Variants in BICC1 observed in about 807,000 individuals in gnomAD.
BICC1 encodes BicC family RNA binding protein 1, also known as protein bicaudal C homolog 1.
Under a neutral mutation model 111.0 loss-of-function variants are expected in BICC1, and 43 were observed. That is an observed-to-expected ratio of 0.39 (90% CI 0.30 to 0.50). The LOEUF is 0.50. BICC1 is among the 20% of genes least tolerant of loss of function. BICC1 has a pLI of 0.88. For missense variants in BICC1, 1,091 were observed against 1,203.2 expected (o/e 0.91, Z 1.38); for synonymous variants, 467 against 434.4 (o/e 1.07, Z -0.93).
chr10:58,680,569 G>T (rs1234108996), intron 2 of BICC1, among the ~76,000 whole-genome samples: 1 of 152,134 alleles, frequency 6.6e-6, no homozygotes, highest in African/African-American at 2.4e-5. Flanking sequence ...TGGATAGGAA[G>T]AATCAATATC....
chr10:58,800,270 C>T lies in BICC1; in HGVS notation c.1802C>T (p.Pro601Leu), dbSNP rs759875498. The change falls in exon 13 of 21, where the codon CCG becomes CTG. Residue 601 changes from proline to leucine, a missense_variant. By Grantham distance (98) the Pro-to-Leu change is moderately conservative (BLOSUM62 -3). This residue lies in a region of BICC1 where 843 missense variants were observed against 900.8 expected (regional missense o/e 0.94). Coordinates refer to ENST00000373886, the MANE Select transcript of BICC1 (RefSeq NM_001080512.3). ...GTGCTGAGTGCAAATCACGGGGATC[C>T]GTCCATCCAGACAAGTGGGTCTGAG... is the stretch of plus-strand genomic sequence containing the variant. ...EKVLSANHGD[P>L]SIQTSGSEQT... is the part of the protein sequence containing the mutation. 9.9e-6 allele frequency: 16 copies of T among 1,613,576 alleles called. No individual in the cohort carries two copies. The highest frequency in any genetic ancestry group is 1.1e-5 in the South Asian group (1 of 91,010).
At chr10:58,737,443 G>A (rs1403243291) in intron 3 of BICC1, among the ~76,000 whole-genome samples, 2 of 152,084 alleles carry the variant, frequency 1.3e-5, no homozygotes, top group African/African-American at 2.4e-5. Flanking sequence ...CTTCTTTATG[G>A]CTGCATAGTA....
intron 1 of BICC1, among the ~76,000 whole-genome samples, chr10:58,565,560 G>A (rs1000488990): frequency 2.0e-5 from 3 of 152,222 alleles, no homozygotes; most frequent in Non-Finnish European, 4.4e-5. Context: ...TTGCCCCCCC[G>A]ATGTATGCCC....
Position 58,785,025 on chromosome 10 carries a change from A to G in BICC1, c.332A>G (p.Lys111Arg), listed in dbSNP as rs1842971415. 6.3e-7 allele frequency: 1 copy of G among 1,599,310 alleles called. No homozygotes were observed. Among genetic ancestry groups the G allele is most frequent in the Non-Finnish European group, 8.5e-7 (1 of 1,171,330 alleles). Residue 111 changes from lysine to arginine, a missense_variant, in exon 4 of 21, where the codon AAG becomes AGG. Physicochemically the swap from Lys to Arg is conservative, Grantham distance 26 (BLOSUM62 2). Around this residue, in one of 3 missense-constraint regions of BICC1, gnomAD observed 843 missense variants for 900.8 expected, o/e 0.94. Transcript: ENST00000373886. The part of the protein sequence containing the change: ...KKDPHIKVSG[K>R]KEDVKEAKEM... ...GATCCCCATATTAAGGTTTCTGGAA[A>G]GAAAGAAGATGTTAAAGAAGCCAAG...
intron 3 of BICC1, among the ~76,000 whole-genome samples, chr10:58,727,639 C>T (rs966671872): frequency 1.3e-5 from 2 of 152,078 alleles, no homozygotes; most frequent in Non-Finnish European, 2.9e-5. Context: ...TTAAGAATTA[C>T]AAAAGGATTT....
chr10:58,529,930 A>G (rs1221938857), intron 1 of BICC1, among the ~76,000 whole-genome samples: 1 of 151,878 alleles, frequency 6.6e-6, no homozygotes, highest in East Asian at 1.9e-4. Context: ...AAAGTTTTGC[A>G]TAAATGATTA....
At chr10:58,522,384 A>C (rs1460245299) in intron 1 of BICC1, among the ~76,000 whole-genome samples, 2 of 152,126 alleles carry the variant, frequency 1.3e-5, no homozygotes. Flanking sequence ...TCAAACTAGA[A>C]CTCAGGATTA....
chr10:58,567,945 A>G (rs944993375), intron 1 of BICC1, among the ~76,000 whole-genome samples: 11 of 152,026 alleles, frequency 7.2e-5, no homozygotes, highest in Non-Finnish European at 1.5e-4. Context: ...GAAGACTGGG[A>G]GGTTTATGTG....
intron 1 of BICC1, among the ~76,000 whole-genome samples, chr10:58,516,909 G>C (rs1281381002): frequency 6.6e-6 from 1 of 152,102 alleles, no homozygotes. Context: ...GAGAAAGTAA[G>C]AAATAATTGA....
chr10:58,770,565 A>C (rs867887784), intron 3 of BICC1, among the ~76,000 whole-genome samples: 1 of 152,152 alleles, frequency 6.6e-6, no homozygotes, highest in South Asian at 2.1e-4. Context: ...GATGGTACCA[A>C]CAACCCAATA....
chr10:58,521,475 G>A (rs1842384800), intron 1 of BICC1, among the ~76,000 whole-genome samples: 1 of 152,012 alleles, frequency 6.6e-6, no homozygotes, highest in Admixed American at 6.6e-5. Flanking sequence ...ATTTTGGGGA[G>A]CAAAGGACAT....
intron 1 of BICC1, among the ~76,000 whole-genome samples, chr10:58,547,035 TTAGAGA>T (rs1294915462): frequency 7.9e-5 from 12 of 152,266 alleles, no homozygotes; most frequent in South Asian, 2.1e-4. Context: ...TAGAGCAGCT[TTAGAGA>T]TAAAGTTATG....
chr10:58,670,960 G>A (rs892688809), intron 2 of BICC1, among the ~76,000 whole-genome samples: 13 of 152,172 alleles, frequency 8.5e-5, no homozygotes, highest in African/African-American at 2.9e-4. Flanking sequence ...GGCACTGTAT[G>A]TTTCCATTTA....
chr10:58,621,886 AGAC>A, intron 2 of BICC1, among the ~76,000 whole-genome samples: 1 of 147,720 alleles, frequency 6.8e-6, no homozygotes, highest in Non-Finnish European at 1.5e-5. Context: ...CAACAGAGTG[AGAC>A]TTTGTCTCTA....
At chr10:58,729,509 C>A (rs1458393626) in intron 3 of BICC1, among the ~76,000 whole-genome samples, 2 of 152,134 alleles carry the variant, frequency 1.3e-5, no homozygotes, top group African/African-American at 4.8e-5. Context: ...CTAAAACTTT[C>A]TTCATATCAG....
intron 3 of BICC1, among the ~76,000 whole-genome samples, chr10:58,728,517 A>G (rs1041474341): frequency 2.0e-5 from 3 of 151,962 alleles, no homozygotes; most frequent in Non-Finnish European, 2.9e-5. Context: ...AACCCCCTCA[A>G]AGTCATCCAT....
chr10:58,645,003 A>T (rs1440038182), intron 2 of BICC1, among the ~76,000 whole-genome samples: 2 of 152,178 alleles, frequency 1.3e-5, no homozygotes, highest in Admixed American at 1.3e-4. Flanking sequence ...CTAAACAAAA[A>T]AAATTTTCTT....
At chr10:58,566,646 G>A (rs958439631) in intron 1 of BICC1, among the ~76,000 whole-genome samples, 3 of 151,972 alleles carry the variant, frequency 2.0e-5, no homozygotes, top group Non-Finnish European at 2.9e-5. Flanking sequence ...TCTTTTCACC[G>A]TATCCCCATC....
At chr10:58,676,295 G>A (rs988073176) in intron 2 of BICC1, among the ~76,000 whole-genome samples, 1 of 152,160 alleles carries the variant, frequency 6.6e-6, no homozygotes, top group Non-Finnish European at 1.5e-5. Context: ...ACCCTGGAAG[G>A]GGGGCTGAAG....
Sources: gnomAD v4.1 joint callset for allele counts (sites outside exome capture counted in the v4.1 genomes callset) on GRCh38, gnomAD v4.1.1 for gene constraint, gnomAD v4.1.1 regional missense constraint, MANE v1.5 for transcripts, NCBI Gene and HGNC (gene_info 2026-07-23, HGNC 2026-07-21) for gene names.